SLCO6A1: variants seen among roughly 807,000 people sequenced by gnomAD.
The protein encoded by SLCO6A1 is cancer/testis antigen 48.
A neutral mutation model predicts 72.7 loss-of-function variants in SLCO6A1; 65 were observed. The observed-to-expected ratio is 0.89, with a 90% CI of 0.73 to 1.10. The LOEUF is 1.10. Ranked by LOEUF, SLCO6A1 falls within the 50% of genes least tolerant of loss-of-function variation. SLCO6A1 has a pLI of 0.00. For synonymous variants in SLCO6A1, 314 were observed against 298.2 expected (o/e 1.05, Z -0.55); for missense variants, 874 against 872.6 (o/e 1.00, Z -0.02).
intron 7 of SLCO6A1, among the ~76,000 whole-genome samples, chr5:102,422,308 G>T (rs1748651612): frequency 6.6e-6 from 1 of 152,196 alleles, no homozygotes; most frequent in Admixed American, 6.5e-5. Flanking sequence ...TCAGAAGGTG[G>T]GTAATAACAA....
chr5:102,386,220 C>T (rs1023774082), intron 12 of SLCO6A1, among the ~76,000 whole-genome samples: 4 of 152,080 alleles, frequency 2.6e-5, no homozygotes, highest in Admixed American at 1.3e-4. Flanking sequence ...GGCCTGGATC[C>T]TGTGTTCACC....
rs1561479119 is a variant in SLCO6A1 at position 102,458,492 on chromosome 5, C to CTA, written c.1022-3_1022-2dup. On this transcript the variant is annotated splice_acceptor_variant, in intron 5 of 13. Transcript: ENST00000506729. LOFTEE classifies it high-confidence loss of function. ...TTCCTAGCTTTTATCCGTGTTGAAC[C>CTA]TATATATAAACAAGTAAAAAAACTT... The CTA allele has an allele frequency of 6.2e-7, 1 of 1,604,908 alleles. No homozygotes were observed. The highest frequency in any genetic ancestry group is 2.2e-5 in the East Asian group (1 of 44,674).
chr5:102,463,124 C>T (rs1316887123), intron 4 of SLCO6A1, among the ~76,000 whole-genome samples: 3 of 134,734 alleles, frequency 2.2e-5, no homozygotes, highest in Non-Finnish European at 4.8e-5. Flanking sequence ...CAATAGACAA[C>T]TCTCAAAAGA....
intron 1 of SLCO6A1, among the ~76,000 whole-genome samples, chr5:102,498,054 G>A (rs1752985922): frequency 6.6e-6 from 1 of 152,096 alleles, no homozygotes; most frequent in African/African-American, 2.4e-5. Context: ...AAGATGGCAA[G>A]AAAACCTGAC....
At chr5:102,456,361 T>A (rs911107509) in intron 6 of SLCO6A1, among the ~76,000 whole-genome samples, 2 of 152,078 alleles carry the variant, frequency 1.3e-5, no homozygotes, top group Non-Finnish European at 2.9e-5. Context: ...AAAACCCCAT[T>A]GTCTCAGCCC....
chr5:102,460,272 G>A (rs890125373), intron 4 of SLCO6A1, among the ~76,000 whole-genome samples: 1 of 151,974 alleles, frequency 6.6e-6, no homozygotes, highest in African/African-American at 2.4e-5. Context: ...TCCCTTCTCC[G>A]AACTTTCAGA....
intron 10 of SLCO6A1, among the ~76,000 whole-genome samples, chr5:102,395,863 C>G (rs1157125173): frequency 2.0e-5 from 3 of 152,086 alleles, no homozygotes; most frequent in Non-Finnish European, 2.9e-5. Flanking sequence ...CTGTTCATAT[C>G]CTTCACCCAC....
intron 11 of SLCO6A1, among the ~76,000 whole-genome samples, chr5:102,389,483 C>T (rs913986352): frequency 7.4e-6 from 1 of 135,452 alleles, no homozygotes; most frequent in African/African-American, 2.8e-5. Context: ...CCCCCAAACA[C>T]ACCAGACTCA....
At chr5:102,400,603 T>C (rs1296663607) in intron 9 of SLCO6A1, among the ~76,000 whole-genome samples, 1 of 152,008 alleles carries the variant, frequency 6.6e-6, no homozygotes, top group African/African-American at 2.4e-5. Context: ...GTTCGCAATT[T>C]ATTAATTTAT....
At chr5:102,476,465 C>G (rs967587590) in intron 3 of SLCO6A1, among the ~76,000 whole-genome samples, 2 of 152,084 alleles carry the variant, frequency 1.3e-5, no homozygotes, top group Non-Finnish European at 2.9e-5. Context: ...GGCTCATCCA[C>G]ATTATGAAAT....
At chr5:102,388,425 C>T (rs1428589831) in intron 12 of SLCO6A1, among the ~76,000 whole-genome samples, 1 of 152,008 alleles carries the variant, frequency 6.6e-6, no homozygotes, top group Non-Finnish European at 1.5e-5. Flanking sequence ...GTAGCCTCGA[C>T]CTTTCAGGCT....
chr5:102,383,934 A>C (rs1746263973), intron 12 of SLCO6A1, among the ~76,000 whole-genome samples: 1 of 151,558 alleles, frequency 6.6e-6, no homozygotes, highest in African/African-American at 2.4e-5. Flanking sequence ...TGTTTATAGG[A>C]ATTTGTTCAT....
chr5:102,497,720 G>A (rs993799032), intron 1 of SLCO6A1, among the ~76,000 whole-genome samples: 5 of 152,178 alleles, frequency 3.3e-5, no homozygotes, highest in African/African-American at 1.2e-4. Context: ...CTAACTTTGG[G>A]AAGGAATTCA....
At chr5:102,417,639 C>G (rs1253144383) in intron 8 of SLCO6A1, among the ~76,000 whole-genome samples, 1 of 152,068 alleles carries the variant, frequency 6.6e-6, no homozygotes, top group Non-Finnish European at 1.5e-5. Flanking sequence ...TTCAAAGAGA[C>G]AAGTAATAAT....
At chr5:102,477,534 T>C (rs10041525) in intron 3 of SLCO6A1, 142 bp downstream of exon 3, 388,216 of 610,780 alleles carry the variant, frequency 0.64, 124,768 homozygotes, top group African/African-American at 0.66. Context: ...TCAATGTGAT[T>C]TGGAGGTTTA....
At chr5:102,380,088 T>A (rs143520482) in intron 12 of SLCO6A1, among the ~76,000 whole-genome samples, 1 of 152,024 alleles carries the variant, frequency 6.6e-6, no homozygotes, top group Non-Finnish European at 1.5e-5. Flanking sequence ...GCTGAATTCA[T>A]TTATTAATTC....
At chr5:102,461,666 A>G (rs1199173389) in intron 4 of SLCO6A1, among the ~76,000 whole-genome samples, 1 of 152,120 alleles carries the variant, frequency 6.6e-6, no homozygotes, top group African/African-American at 2.4e-5. Flanking sequence ...TTGATATTAA[A>G]TACCATCATG....
Position 102,459,762 on chromosome 5 carries a change from A to G in SLCO6A1, c.915T>C (p.Asn305=). 6.3e-7 allele frequency: 1 copy of G among 1,576,442 alleles called. No homozygotes were observed. Among genetic ancestry groups the G allele is most frequent in the Non-Finnish European group, 8.6e-7 (1 of 1,161,992 alleles). ...AAGTCCATAGCCATTCTGGACTACC[A>G]TTATTGACTGTAGTGCTTTAATAAA... The part of the protein sequence containing the change: ...TTSATNTTVN[N]GSPEWLWTWW... Residue 305 remains asparagine (N), a synonymous_variant, in exon 5 of 14, where the codon AAT becomes AAC. Transcript: ENST00000506729.
At chr5:102,410,289 G>T (rs1460072056) in intron 9 of SLCO6A1, among the ~76,000 whole-genome samples, 1 of 152,056 alleles carries the variant, frequency 6.6e-6, no homozygotes, top group Non-Finnish European at 1.5e-5. Flanking sequence ...AGCAGAGAGG[G>T]TAGCTCCTCT....
Sources: allele counts gnomAD v4.1 joint callset (sites outside exome capture counted in the v4.1 genomes callset), GRCh38; gene constraint gnomAD v4.1.1; transcripts MANE v1.5; gene names NCBI Gene and HGNC (gene_info 2026-07-23, HGNC 2026-07-21).